The following COLEC11 variants were observed in gnomAD, a reference collection of about 807,000 sequenced individuals.
COLEC11 encodes collectin-11.
COLEC11 carries 20 observed loss-of-function variants against 27.3 expected under a neutral mutation model. The ratio of observed to expected loss-of-function variants is 0.73; its 90% confidence interval spans 0.51 to 1.06. The LOEUF (loss-of-function observed/expected upper bound fraction) is 1.06, where lower values mean the gene tolerates loss of function less well. COLEC11 is among the 50% of genes least tolerant of loss of function. The pLI is 0.00. For synonymous variants in COLEC11, 163 were observed against 154.7 expected (o/e 1.05, Z -0.40); for missense variants, 310 against 383.0 (o/e 0.81, Z 1.59).
chr2:3,618,706 AT>A (rs941767510), intron 3 of COLEC11, among the ~76,000 whole-genome samples: 2 of 151,986 alleles, frequency 1.3e-5, no homozygotes, highest in Admixed American at 1.3e-4. Context: ...TTTTTTTTCC[AT>A]TTCTCTGAAA....
At chr2:3,601,991 ACTC>A (rs1215210469) in intron 1 of COLEC11, 3 of 151,964 alleles carry the variant, frequency 2.0e-5, no homozygotes, top group Admixed American at 1.3e-4. Flanking sequence ...TTCTGGGAGA[ACTC>A]CTCGTGCAGC....
chr2:3,602,658 G>A lies in COLEC11; in HGVS notation c.-26-1657G>A, dbSNP rs910376734. Among the ~76,000 whole-genome samples the A allele has an allele frequency of 3.3e-5, 5 of 152,126 alleles. No homozygotes were observed. Among genetic ancestry groups the A allele is most frequent in the Non-Finnish European group, 7.3e-5 (5 of 68,034 alleles). ...AGCAGGGAGACCCTTTTGTAAAGCCGCTCGCTGATCCAGACCCTCTGTCTC... is the reference window on the plus strand; with the variant it reads ...AGCAGGGAGACCCTTTTGTAAAGCCACTCGCTGATCCAGACCCTCTGTCTC... On this transcript the variant is annotated intron_variant, in intron 1 of 6. Coordinates refer to ENST00000349077, the MANE Select transcript of COLEC11 (RefSeq NM_024027.5). The surrounding 1 kb of genome is among the most constrained non-coding windows in gnomAD (Gnocchi z 6.2).
At chr2:3,624,807 G>A (rs890530046) in intron 3 of COLEC11, among the ~76,000 whole-genome samples, 5 of 152,214 alleles carry the variant, frequency 3.3e-5, no homozygotes, top group African/African-American at 1.2e-4. Context: ...CTTCTTTGGG[G>A]GGACTATGGT....
chr2:3,642,988 G>A (rs116732359), intron 5 of COLEC11, among the ~76,000 whole-genome samples: 3,055 of 152,260 alleles, frequency 0.02, 74 homozygotes, highest in Non-Finnish European at 0.029. Context: ...GCCAGCAATG[G>A]AATGGCCCCA....
intron 3 of COLEC11, chr2:3,626,111 C>T (rs1664535397): frequency 1.2e-6 from 2 of 1,600,910 alleles, no homozygotes; most frequent in African/African-American, 2.7e-5. Context: ...TCTGGAAATC[C>T]CACCTTCACA....
At chr2:3,614,144 G>T (rs542092241) in intron 3 of COLEC11, among the ~76,000 whole-genome samples, 22 of 17,114 alleles carry the variant, frequency 1.3e-3, no homozygotes, top group African/African-American at 2.3e-3. Context: ...ATTTTTTTTT[G>T]GGGGGTATTT....
At position 3,644,643 on chromosome 2, in the gene COLEC11, T is replaced by C. The variant is rs1558525741; in HGVS notation, c.*525T>C. On this transcript the variant is annotated 3_prime_UTR_variant, in exon 7 of 7. Transcript: ENST00000349077. ...AACAACAACAAAATTCTCCAAACTTTACTACTAAATGTGTGGAGTCATTTT... is the reference window on the plus strand; with the variant it reads ...AACAACAACAAAATTCTCCAAACTTCACTACTAAATGTGTGGAGTCATTTT... 1 of 360,478 alleles carries C rather than the reference T, an allele frequency of 2.8e-6. No individual in the cohort carries two copies. Among genetic ancestry groups the C allele is most frequent in the Non-Finnish European group, 5.4e-6 (1 of 185,228 alleles). The allele number at this position is 360,478 out of a possible 1,614,324, so 22.3% of individuals were successfully genotyped here. A position where few individuals can be genotyped will look rare whatever the true frequency, so the allele number is the denominator to read the frequency against.
At chr2:3,604,946 GAAA>G in intron 2 of COLEC11, 1 of 367,876 alleles carries the variant, frequency 2.7e-6, no homozygotes. Flanking sequence ...GTGGTTAGGG[GAAA>G]AAAAAAAGAC....
At position 3,615,313 on chromosome 2, in the gene COLEC11, T is replaced by TACTTGAGATTAGGGAGTGGTGATGA. The variant is rs1204922794; in HGVS notation, c.202+1932_202+1956dup. ...CATCCGCAGTGTTTGTGTCCCTGGGTACTTGAGATTAGGGAGTGGTGATGA... is the reference window on the plus strand; with the variant it reads ...CATCCGCAGTGTTTGTGTCCCTGGGTACTTGAGATTAGGGAGTGGTGATGAACTTGAGATTAGGGAGTGGTGATGA... On this transcript the variant is annotated intron_variant, in intron 3 of 6. Coordinates refer to ENST00000349077, the MANE Select transcript of COLEC11 (RefSeq NM_024027.5). Among the ~76,000 whole-genome samples the TACTTGAGATTAGGGAGTGGTGATGA allele has an allele frequency of 1.6e-4, 24 of 152,280 alleles. No homozygotes were observed. The East Asian group carries it at 4.1e-3, about 26-fold the overall frequency.
Position 3,625,460 on chromosome 2 carries a change from G to T in COLEC11, c.203-12073G>T, listed in dbSNP as rs543092246. Among the ~76,000 whole-genome samples, 166 of 152,114 alleles carry T rather than the reference G, an allele frequency of 1.1e-3. 1 individual carries two copies. The highest frequency in any genetic ancestry group is 3.6e-3 in the African/African-American group (150 of 41,478). On this transcript the variant is annotated intron_variant, in intron 3 of 6. Transcript: ENST00000349077. ...CACTCGGGAGGCTACTCGTAATTCA[G>T]GGTTTCTGAAATCTGGAGACAGGGA...
intron 2 of COLEC11, among the ~76,000 whole-genome samples, chr2:3,609,851 A>G (rs1252497814): frequency 6.6e-6 from 1 of 151,336 alleles, no homozygotes; most frequent in African/African-American, 2.4e-5. Flanking sequence ...TTTTGTAGAG[A>G]TGGGGTCTTG....
At chr2:3,624,984 G>T (rs930873653) in intron 3 of COLEC11, among the ~76,000 whole-genome samples, 1 of 152,186 alleles carries the variant, frequency 6.6e-6, no homozygotes, top group Non-Finnish European at 1.5e-5. Flanking sequence ...CTAAGTATTA[G>T]ATTGATAGAT....
intron 2 of COLEC11, among the ~76,000 whole-genome samples, chr2:3,607,534 G>A (rs974795950): frequency 2.2e-5 from 3 of 138,646 alleles, no homozygotes; most frequent in East Asian, 2.3e-4. Context: ...TGCAGCCTCC[G>A]CCTCTCAGGT....
chr2:3,643,637 T>TGCCCTGCCG, intron 6 of COLEC11, 90 bp from the exon 7 acceptor site: 1 of 1,602,146 alleles, frequency 6.2e-7, no homozygotes, highest in Non-Finnish European at 8.5e-7. Flanking sequence ...CTGCCCTGCC[T>TGCCCTGCCG]GCCCTGCCGG....
chr2:3,623,202 T>C (rs1468129662), intron 3 of COLEC11, among the ~76,000 whole-genome samples: 1 of 152,214 alleles, frequency 6.6e-6, no homozygotes, highest in Non-Finnish European at 1.5e-5. Flanking sequence ...CTTTTCTCTT[T>C]CTGCTTTCAA....
chr2:3,597,864 C>T (rs1334845832), intron 1 of COLEC11, among the ~76,000 whole-genome samples: 1 of 152,136 alleles, frequency 6.6e-6, no homozygotes, highest in African/African-American at 2.4e-5. Context: ...TGGACCAGCA[C>T]GTCTGGCTAC....
intron 3 of COLEC11, among the ~76,000 whole-genome samples, chr2:3,631,503 C>G (rs1284229079): frequency 6.6e-6 from 1 of 152,152 alleles, no homozygotes; most frequent in Admixed American, 6.5e-5. Context: ...GGCCCTTCCC[C>G]CAAAGGCCTC....
chr2:3,613,399 G>A lies in COLEC11; in HGVS notation c.202+17G>A. On this transcript the variant is annotated intron_variant, in intron 3 of 6. Transcript: ENST00000349077. ...GAGAAAAAGGTACCTGCAGCCCTGG[G>A]CCGGCCCTCAGAGCTCTGAGGATGG... 1 of 1,576,292 alleles carries A rather than the reference G, an allele frequency of 6.3e-7. No individual in the cohort carries two copies. The highest frequency in any genetic ancestry group is 1.2e-5 in the South Asian group (1 of 86,234).
intron 3 of COLEC11, among the ~76,000 whole-genome samples, chr2:3,634,838 C>T (rs1026805535): frequency 3.3e-5 from 5 of 151,954 alleles, no homozygotes; most frequent in African/African-American, 7.3e-5. Flanking sequence ...GGGCCCTGCC[C>T]CTCCCTCTGT....
Sources: allele counts gnomAD v4.1 joint callset (sites outside exome capture counted in the v4.1 genomes callset), GRCh38; gene constraint gnomAD v4.1.1; non-coding constraint Gnocchi (gnomAD v3.1); transcripts MANE v1.5; gene names NCBI Gene and HGNC (gene_info 2026-07-23, HGNC 2026-07-21).